The following PLEKHH1 variants were observed in gnomAD, a reference collection of about 807,000 sequenced individuals.
The protein encoded by PLEKHH1 is pleckstrin homology domain-containing family H member 1.
PLEKHH1 carries 104 observed loss-of-function variants against 160.0 expected under a neutral mutation model. The observed-to-expected ratio is 0.65, with a 90% CI of 0.55 to 0.76. The LOEUF is 0.76. Ranked by LOEUF, PLEKHH1 falls within the 30% of genes least tolerant of loss-of-function variation. The probability of loss-of-function intolerance (pLI) is 0.00; values close to 1 mark genes in which losing one functional copy is unlikely to be tolerated. For missense variants in PLEKHH1, 1,427 were observed against 1,724.1 expected (o/e 0.83, Z 3.05); for synonymous variants, 619 against 678.4 (o/e 0.91, Z 1.36).
chr14:67,542,124 C>T (rs1006669425), intron 2 of PLEKHH1, 131 bp downstream of exon 2: 1 of 884,356 alleles, frequency 1.1e-6, no homozygotes, highest in East Asian at 2.9e-5. Flanking sequence ...CAAAATGAAA[C>T]CCAAGGTAGT....
At position 67,555,817 on chromosome 14, in the gene PLEKHH1, C is replaced by T. The variant is rs953700219; in HGVS notation, c.127-8C>T. 8 of 1,612,844 alleles carry T rather than the reference C, an allele frequency of 5.0e-6. No individual in the cohort carries two copies. The Admixed American group carries it at 1.0e-4, about 20-fold the overall frequency. On this transcript the variant is annotated splice_region_variant and splice_polypyrimidine_tract_variant and intron_variant, in intron 2 of 28. Coordinates refer to ENST00000329153, the MANE Select transcript of PLEKHH1 (RefSeq NM_020715.3). The stretch of plus-strand genomic sequence containing the variant: ...ACCTACATCTCCCCTTTCTCTCTGG[C>T]CAAGCAGATGCAGGAGCTGGAGCAG...
rs1356612977 is a variant in PLEKHH1, at chr14:67,576,212, G to A, written c.2353-183G>A. Among the ~76,000 whole-genome samples, 1 of 152,166 alleles carries A rather than the reference G, an allele frequency of 6.6e-6. No homozygotes were observed. Among genetic ancestry groups the A allele is most frequent in the South Asian group, 2.1e-4 (1 of 4,834 alleles). On this transcript the variant is annotated intron_variant, in intron 16 of 28. Coordinates refer to ENST00000329153, the MANE Select transcript of PLEKHH1 (RefSeq NM_020715.3). The surrounding 1 kb of genome is among the most constrained non-coding windows in gnomAD (Gnocchi z 4.0). ...TTCACTGAGGTCATGTAATAGAATC[G>A]CAAATTTGGAAAGTTGGGTTCATGT...
intron 7 of PLEKHH1, among the ~76,000 whole-genome samples, chr14:67,566,799 T>C (rs2035118314): frequency 6.7e-6 from 1 of 148,704 alleles, no homozygotes; most frequent in Non-Finnish European, 1.5e-5. Flanking sequence ...AGGTTAAGTG[T>C]ATGTGTGTGA....
rs1185918199 is a variant in PLEKHH1 at position 67,573,754 on chromosome 14, A to G, written c.1840-47A>G. 8.0e-7 allele frequency: 1 copy of G among 1,244,566 alleles called. No homozygotes were observed. The highest frequency in any genetic ancestry group is 1.2e-6 in the Non-Finnish European group (1 of 842,092). The allele number at this position is 1,244,566 out of a possible 1,614,324, so 77.1% of individuals were successfully genotyped here. ...TCTGAGGGTAAATGAGGTGCTCCGG[A>G]AAGGCTCCACATTCAGTGGCTCTCC... On this transcript the variant is annotated intron_variant, in intron 12 of 28. Transcript: ENST00000329153. This position sits in a 1 kb window ranked among gnomAD's most constrained non-coding sequence, Gnocchi z 4.8.
Position 67,573,846 on chromosome 14 carries a change from C to T in PLEKHH1, c.1885C>T (p.Arg629Cys), listed in dbSNP as rs757858671. The T allele has an allele frequency of 5.0e-5, 81 of 1,613,628 alleles. No homozygotes were observed. Among genetic ancestry groups the T allele is most frequent in the East Asian group, 4.0e-4 (18 of 44,884 alleles). ...KPQGQVDLNS[R>C]CQIVRGEGSQ... ...TCAAGGCCAAGTGGATCTGAACTCC[C>T]GCTGCCAAATTGTTCGAGGGGAGGG... The change falls in exon 13 of 29, where the codon CGC (arginine) becomes TGC (cysteine). Residue 629 changes from arginine (R) to cysteine (C), a missense_variant. Arg to Cys is a radical substitution (Grantham distance 180). This residue lies in a region of PLEKHH1 where 831 missense variants were observed against 929.2 expected (regional missense o/e 0.89). Coordinates refer to ENST00000329153, the MANE Select transcript of PLEKHH1 (RefSeq NM_020715.3). The surrounding 1 kb of genome is among the most constrained non-coding windows in gnomAD (Gnocchi z 4.8).
intron 11 of PLEKHH1, among the ~76,000 whole-genome samples, chr14:67,572,704 G>C (rs2035447915): frequency 6.6e-6 from 1 of 152,146 alleles, no homozygotes; most frequent in Non-Finnish European, 1.5e-5. Flanking sequence ...TTATGGATGA[G>C]AAGCCTGAGG....
intron 2 of PLEKHH1, among the ~76,000 whole-genome samples, chr14:67,544,519 A>T (rs910455850): frequency 6.6e-6 from 1 of 152,248 alleles, no homozygotes; most frequent in Non-Finnish European, 1.5e-5. Flanking sequence ...GTGAGTATCC[A>T]CAGACACAAA....
rs2035714176 is a variant in PLEKHH1, at chr14:67,578,149, C to A, written c.2701C>A (p.Leu901Ile). 1 of 1,613,988 alleles carries A rather than the reference C, an allele frequency of 6.2e-7. No individual in the cohort carries two copies. The highest frequency in any genetic ancestry group is 8.5e-7 in the Non-Finnish European group (1 of 1,179,880). Residue 901 changes from leucine to isoleucine, a missense_variant, in exon 19 of 29, where the codon CTC becomes ATC. Coordinates refer to ENST00000329153, the MANE Select transcript of PLEKHH1 (RefSeq NM_020715.3). The surrounding 1 kb of genome is among the most constrained non-coding windows in gnomAD (Gnocchi z 5.0). ...PELQSEIYCQ[L>I]MKQTSCRPPQ... is the part of the protein sequence containing the mutation. ...GCTGCAGAGTGAGATCTACTGCCAACTCATGAAGCAGACCAGCTGCCGCCC... is the reference window on the plus strand; with the variant it reads ...GCTGCAGAGTGAGATCTACTGCCAAATCATGAAGCAGACCAGCTGCCGCCC...
At position 67,573,572 on chromosome 14, in the gene PLEKHH1, G is replaced by A. The variant is rs572007139; in HGVS notation, c.1839+186G>A. On this transcript the variant is annotated intron_variant, in intron 12 of 28. Coordinates refer to ENST00000329153, the MANE Select transcript of PLEKHH1 (RefSeq NM_020715.3). This position sits in a 1 kb window ranked among gnomAD's most constrained non-coding sequence, Gnocchi z 4.8. ...CACACTTGGGGACCTAAGCCTGGCC[G>A]TGAGTTTCAGAATGAAATAGGGAGG... Among the ~76,000 whole-genome samples, 25 of 152,330 alleles carry A rather than the reference G, an allele frequency of 1.6e-4. No homozygotes were observed. Among genetic ancestry groups the A allele is most frequent in the African/African-American group, 4.3e-4 (18 of 41,580 alleles).
Position 67,541,741 on chromosome 14 carries a change from T to C in PLEKHH1, c.-34-93T>C, listed in dbSNP as rs78862004. Reference sequence around the variant, plus strand: ...TGTTTTCTCTTCCCCAGCCCTGTTTTCTCTGTCCTTTGGTCCCCTCCCGTT... The same window carrying C: ...TGTTTTCTCTTCCCCAGCCCTGTTTCCTCTGTCCTTTGGTCCCCTCCCGTT... On this transcript the variant is annotated intron_variant, in intron 1 of 28. Coordinates refer to ENST00000329153, the MANE Select transcript of PLEKHH1 (RefSeq NM_020715.3). The C allele has an allele frequency of 1.9e-3, 1,588 of 827,604 alleles. 20 individuals carry two copies. In the African/African-American group the frequency reaches 0.025, roughly 13 times the overall value. 51.3% of individuals were successfully genotyped at this position (827,604 alleles called of 1,614,324 possible).
At chr14:67,540,324 T>C (rs1261358974) in intron 1 of PLEKHH1, among the ~76,000 whole-genome samples, 1 of 152,120 alleles carries the variant, frequency 6.6e-6, no homozygotes, top group African/African-American at 2.4e-5. Flanking sequence ...TTTTAACAGA[T>C]GACATTTAAA....
chr14:67,579,970 G>T, intron 22 of PLEKHH1, 94 bp downstream of exon 22: 1 of 1,229,112 alleles, frequency 8.1e-7, no homozygotes, highest in Admixed American at 2.2e-5. Context: ...TGACTGTTTG[G>T]TAGCTCATTT....
rs2035608777 is a variant in PLEKHH1, at chr14:67,575,977, A to G, written c.2324A>G (p.Tyr775Cys). ...VIHPTEHSPT[Y>C]LLIGTKHEKD... ...CACCCCACAGAGCACAGCCCCACCTACCTCCTCATTGGCACCAAGCATGAA... is the reference window on the plus strand; with the variant it reads ...CACCCCACAGAGCACAGCCCCACCTGCCTCCTCATTGGCACCAAGCATGAA... The change falls in exon 16 of 29, where the codon TAC becomes TGC. Residue 775 changes from tyrosine (Y) to cysteine (C), a missense_variant. By Grantham distance (194) the Tyr-to-Cys change is radical (BLOSUM62 -2). This residue lies in a region of PLEKHH1 where 436 missense variants were observed against 607.5 expected (regional missense o/e 0.72). Transcript: ENST00000329153. 14 of 1,612,284 alleles carry G rather than the reference A, an allele frequency of 8.7e-6. No individual in the cohort carries two copies. Among genetic ancestry groups the G allele is most frequent in the Non-Finnish European group, 1.2e-5 (14 of 1,178,974 alleles).
At chr14:67,579,448 C>A in intron 21 of PLEKHH1, 137 bp downstream of exon 21, 1 of 766,396 alleles carries the variant, frequency 1.3e-6, no homozygotes, top group Non-Finnish European at 2.0e-6. Flanking sequence ...ACTGCATGAA[C>A]AGGGAAGCTG....
intron 2 of PLEKHH1, among the ~76,000 whole-genome samples, chr14:67,544,007 TC>T (rs769310059): frequency 2.0e-5 from 3 of 152,106 alleles, no homozygotes; most frequent in Non-Finnish European, 2.9e-5. Flanking sequence ...AGTTTTAATA[TC>T]TGTGGGGATA....
intron 2 of PLEKHH1, among the ~76,000 whole-genome samples, chr14:67,545,837 A>C (rs1048338973): frequency 1.1e-4 from 16 of 152,276 alleles, no homozygotes; most frequent in African/African-American, 3.9e-4. Flanking sequence ...ACTTCTAAAA[A>C]CCTTCAAAGA....
At chr14:67,535,682 G>A (rs149551326) in intron 1 of PLEKHH1, among the ~76,000 whole-genome samples, 16 of 152,120 alleles carry the variant, frequency 1.1e-4, no homozygotes, top group Admixed American at 1.3e-4. Context: ...GCCCAGCCTC[G>A]TGAGCACATC....
chr14:67,541,591 T>C (rs985123293), intron 1 of PLEKHH1, among the ~76,000 whole-genome samples: 7 of 152,188 alleles, frequency 4.6e-5, no homozygotes, highest in Admixed American at 3.9e-4. Flanking sequence ...AGGTTCTCCT[T>C]AAGGTTTCTC....
intron 1 of PLEKHH1, among the ~76,000 whole-genome samples, chr14:67,540,397 C>T (rs11158683): frequency 6.6e-6 from 1 of 151,816 alleles, no homozygotes; most frequent in Admixed American, 6.6e-5. Context: ...AGATTGAGGC[C>T]GGTGGATCAC....
Sources: gnomAD v4.1 joint callset for allele counts (sites outside exome capture counted in the v4.1 genomes callset) on GRCh38, gnomAD v4.1.1 for gene constraint, gnomAD v4.1.1 regional missense constraint, Gnocchi (gnomAD v3.1) non-coding constraint, MANE v1.5 for transcripts, NCBI Gene and HGNC (gene_info 2026-07-23, HGNC 2026-07-21) for gene names.